The following MCPH1 variants were observed in gnomAD, a reference collection of about 807,000 sequenced individuals.
MCPH1 encodes microcephalin.
MCPH1 carries 104 observed loss-of-function variants against 84.5 expected under a neutral mutation model. That is an observed-to-expected ratio of 1.23 (90% CI 1.05 to 1.45). The LOEUF is 1.45. MCPH1 is among the 40% of genes most tolerant of loss of function. The pLI, the probability that MCPH1 is intolerant of heterozygous loss-of-function variation, is 0.00. For synonymous variants in MCPH1, 514 were observed against 366.8 expected (o/e 1.40, Z -4.58); for missense variants, 1,498 against 1,005.7 (o/e 1.49, Z -6.62).
chr8:6,534,652 A>T (rs928987024), intron 12 of MCPH1, among the ~76,000 whole-genome samples: 5 of 152,176 alleles, frequency 3.3e-5, no homozygotes, highest in African/African-American at 4.8e-5. Context: ...TTAAAAATTT[A>T]AAAAAATAAA....
In MCPH1 at chr8:6,448,192, G is replaced by C. The variant is rs560873148; in HGVS notation, c.1825+2645G>C. ...AAGAAAAACAATACTGCATTGGATA[G>C]ATAAGGTGACCAACGAAGGCTTCCC... On this transcript the variant is annotated intron_variant, in intron 8 of 13. Transcript: ENST00000344683. Among the ~76,000 whole-genome samples the C allele has an allele frequency of 2.0e-5, 3 of 152,338 alleles. No individual in the cohort carries two copies. In the East Asian group the frequency reaches 5.8e-4, roughly 29 times the overall value.
intron 9 of MCPH1, among the ~76,000 whole-genome samples, chr8:6,472,360 A>G (rs1807839878): frequency 1.3e-5 from 2 of 152,242 alleles, no homozygotes; most frequent in South Asian, 2.1e-4. Context: ...ATAGTAACAC[A>G]TCAAATGGAT....
At chr8:6,428,727 G>A (rs1585698020) in intron 3 of MCPH1, among the ~76,000 whole-genome samples, 1 of 150,912 alleles carries the variant, frequency 6.6e-6, no homozygotes, top group African/African-American at 2.5e-5. Flanking sequence ...ATGTTCCATT[G>A]TATGGACACG....
At chr8:6,551,220 T>C (rs1823594858) in intron 12 of MCPH1, among the ~76,000 whole-genome samples, 1 of 148,946 alleles carries the variant, frequency 6.7e-6, no homozygotes, top group Admixed American at 6.7e-5. Flanking sequence ...AGAGGGCTGC[T>C]TATTCGTGAT....
chr8:6,424,064 C>G (rs1381866364), intron 3 of MCPH1, among the ~76,000 whole-genome samples: 2 of 152,128 alleles, frequency 1.3e-5, no homozygotes, highest in South Asian at 4.1e-4. Context: ...AAAATGTGAA[C>G]ATTAACTTCA....
At chr8:6,482,801 A>T (rs1809403387) in intron 11 of MCPH1, among the ~76,000 whole-genome samples, 1 of 152,236 alleles carries the variant, frequency 6.6e-6, no homozygotes, top group African/African-American at 2.4e-5. Flanking sequence ...ATTACCTGAT[A>T]TGATAAAGGT....
At chr8:6,545,850 G>A (rs141670923) in intron 12 of MCPH1, among the ~76,000 whole-genome samples, 5 of 152,320 alleles carry the variant, frequency 3.3e-5, no homozygotes, top group East Asian at 3.9e-4. Context: ...AAGTGAAATC[G>A]ATTGAATTTA....
At chr8:6,518,881 A>G (rs1340214427) in intron 12 of MCPH1, among the ~76,000 whole-genome samples, 2 of 152,158 alleles carry the variant, frequency 1.3e-5, no homozygotes, top group African/African-American at 4.8e-5. Flanking sequence ...AATGTTTAAG[A>G]GAAGCCACAT....
chr8:6,458,134 G>A (rs946451048), intron 9 of MCPH1, among the ~76,000 whole-genome samples: 1 of 152,080 alleles, frequency 6.6e-6, no homozygotes, highest in Non-Finnish European at 1.5e-5. Flanking sequence ...CTCATGTAAA[G>A]TTGTTTCATT....
At chr8:6,574,144 T>C (rs971321890) in intron 12 of MCPH1, among the ~76,000 whole-genome samples, 1 of 152,226 alleles carries the variant, frequency 6.6e-6, no homozygotes, top group African/African-American at 2.4e-5. Context: ...CCCTGCTGTA[T>C]TGGTTTGCTA....
chr8:6,519,711 A>T (rs1041774519), intron 12 of MCPH1, among the ~76,000 whole-genome samples: 1 of 152,140 alleles, frequency 6.6e-6, no homozygotes, highest in African/African-American at 2.4e-5. Context: ...CTTGGCAAGC[A>T]CTCTAGGCGA....
intron 13 of MCPH1, among the ~76,000 whole-genome samples, chr8:6,628,411 A>G (rs777545730): frequency 7.0e-6 from 1 of 142,164 alleles, no homozygotes; most frequent in Non-Finnish European, 1.5e-5. Flanking sequence ...CAGAGCTTGC[A>G]GTGAGCCGAG....
intron 12 of MCPH1, chr8:6,521,538 C>G: frequency 4.3e-6 from 3 of 694,492 alleles, no homozygotes; most frequent in Non-Finnish European, 7.0e-6. Context: ...TATGATGTTA[C>G]CAGAGCCCTA....
chr8:6,580,721 C>T (rs2515521), intron 12 of MCPH1, among the ~76,000 whole-genome samples: 64,305 of 151,900 alleles, frequency 0.42, 14,498 homozygotes, highest in East Asian at 0.85. Flanking sequence ...ACAAATGTCA[C>T]ATTATAGAGG....
intron 3 of MCPH1, among the ~76,000 whole-genome samples, chr8:6,420,576 T>C (rs1800028415): frequency 6.6e-6 from 1 of 152,142 alleles, no homozygotes; most frequent in Non-Finnish European, 1.5e-5. Context: ...CAGCCATCAT[T>C]GTTTTCTCTA....
intron 12 of MCPH1, among the ~76,000 whole-genome samples, chr8:6,571,594 A>T (rs1826663209): frequency 6.6e-6 from 1 of 152,172 alleles, no homozygotes. Context: ...TTTTATCTTA[A>T]TTATTGAGAA....
chr8:6,474,459 G>A (rs1050972155), intron 9 of MCPH1, among the ~76,000 whole-genome samples: 7 of 151,642 alleles, frequency 4.6e-5, no homozygotes, highest in African/African-American at 1.7e-4. Context: ...TCACCTTGCT[G>A]TCTCCAAAAA....
At chr8:6,460,440 G>A (rs7001036) in intron 9 of MCPH1, among the ~76,000 whole-genome samples, 2 of 151,656 alleles carry the variant, frequency 1.3e-5, no homozygotes, top group Admixed American at 1.3e-4. Context: ...GGTCTCGAAC[G>A]CCTGGTCTCA....
chr8:6,610,712 A>G (rs891468099), intron 12 of MCPH1, among the ~76,000 whole-genome samples: 2 of 152,130 alleles, frequency 1.3e-5, no homozygotes, highest in African/African-American at 4.8e-5. Context: ...CAAGTCTGTT[A>G]TCTTTACTTT....
Sources: gnomAD v4.1 joint callset for allele counts (sites outside exome capture counted in the v4.1 genomes callset) on GRCh38, gnomAD v4.1.1 for gene constraint, MANE v1.5 for transcripts, NCBI Gene and HGNC (gene_info 2026-07-23, HGNC 2026-07-21) for gene names.